Variants in CANX observed in about 807,000 individuals in gnomAD.
CANX encodes the protein calnexin.
Under a neutral mutation model 75.7 loss-of-function variants are expected in CANX, and 14 were observed. That is an observed-to-expected ratio of 0.19 (90% CI 0.12 to 0.29). The LOEUF (loss-of-function observed/expected upper bound fraction) is 0.29, where lower values mean the gene tolerates loss of function less well. CANX is among the 10% of genes least tolerant of loss of function. The pLI is 1.00. For missense variants in CANX, 567 were observed against 713.2 expected (o/e 0.79, Z 2.34); for synonymous variants, 227 against 236.9 (o/e 0.96, Z 0.38).
At chr5:179,703,251 T>C (rs1776890682) in intron 1 of CANX, among the ~76,000 whole-genome samples, 1 of 150,134 alleles carries the variant, frequency 6.7e-6, no homozygotes, top group Non-Finnish European at 1.5e-5. Flanking sequence ...AGGTGGAGTC[T>C]CTGTGGCCCA....
At position 179,709,788 on chromosome 5, in the gene CANX, A is replaced by G. The variant is rs575286152; in HGVS notation, c.529-85A>G. ...TCACTAATATATTTGGAATTTTATA[A>G]GAGGAATTATCATACACTTTTGAAA... On this transcript the variant is annotated intron_variant, in intron 6 of 14. Coordinates refer to ENST00000247461, the MANE Select transcript of CANX (RefSeq NM_001746.4). 1.4e-5 allele frequency: 12 copies of G among 838,400 alleles called. No homozygotes were observed. The South Asian group carries it at 2.3e-4, about 16-fold the overall frequency. The allele number at this position is 838,400 out of a possible 1,614,324, so 51.9% of individuals were successfully genotyped here.
At chr5:179,718,852 A>T (rs760493601) in intron 8 of CANX, among the ~76,000 whole-genome samples, 5 of 150,200 alleles carry the variant, frequency 3.3e-5, no homozygotes, top group Non-Finnish European at 7.4e-5. Flanking sequence ...TTTGGTAGAG[A>T]CAGGGTGTCG....
intron 1 of CANX, among the ~76,000 whole-genome samples, chr5:179,704,817 CAGAG>C (rs1777018971): frequency 6.6e-6 from 1 of 152,036 alleles, no homozygotes; most frequent in Non-Finnish European, 1.5e-5. Context: ...GCCTGGGCGA[CAGAG>C]GGAGAATCCA....
rs1417555106 is a variant in CANX at position 179,724,719 on chromosome 5, G to A, written c.1581G>A (p.Glu527=). Residue 527 remains glutamate (E), a synonymous_variant, in exon 13 of 15, where the codon GAG becomes GAA. Transcript: ENST00000247461. ...TDAPQPDVKE[E]EEEKEEEKDK... is the part of the protein sequence containing the mutation. ...CACCTCAACCGGATGTGAAGGAAGA[G>A]GAAGAAGAGAAGGAAGAGGAAAAGG... 2 of 1,612,730 alleles carry A rather than the reference G, an allele frequency of 1.2e-6. No homozygotes were observed. Among genetic ancestry groups the A allele is most frequent in the Non-Finnish European group, 1.7e-6 (2 of 1,178,736 alleles).
chr5:179,714,108 C>T (rs1181189796), intron 7 of CANX, among the ~76,000 whole-genome samples: 1 of 152,158 alleles, frequency 6.6e-6, no homozygotes, highest in Non-Finnish European at 1.5e-5. Context: ...AAGCGATTCT[C>T]CTGCCTCAGC....
In CANX at chr5:179,728,686, C is replaced by G. The variant is rs1319360171; in HGVS notation, c.*42C>G. On this transcript the variant is annotated 3_prime_UTR_variant, in exon 15 of 15. Transcript: ENST00000247461. ...TGATCTGTGATTTCTTCTCCCTCCTCCCCTGCAAGAGTGGTCCTAGGAGAG... is the reference window on the plus strand; with the variant it reads ...TGATCTGTGATTTCTTCTCCCTCCTGCCCTGCAAGAGTGGTCCTAGGAGAG... 4 of 1,448,518 alleles carry G rather than the reference C, an allele frequency of 2.8e-6. No individual in the cohort carries two copies. The highest frequency in any genetic ancestry group is 3.9e-6 in the Non-Finnish European group (4 of 1,030,282). 89.7% of individuals were successfully genotyped at this position (1,448,518 alleles called of 1,614,324 possible). A position where few individuals can be genotyped will look rare whatever the true frequency, so the allele number is the denominator to read the frequency against.
chr5:179,680,357 C>T (rs186073793), intron 1 of CANX, among the ~76,000 whole-genome samples: 26 of 152,230 alleles, frequency 1.7e-4, no homozygotes, highest in Non-Finnish European at 3.2e-4. Flanking sequence ...CATTATTGCC[C>T]TCATCATTCA....
intron 1 of CANX, among the ~76,000 whole-genome samples, chr5:179,683,145 T>C (rs1776111572): frequency 7.5e-6 from 1 of 133,772 alleles, no homozygotes; most frequent in South Asian, 2.8e-4. Context: ...TTATTTATTT[T>C]TGAGACGGAG....
intron 6 of CANX, among the ~76,000 whole-genome samples, chr5:179,709,496 G>A (rs902306243): frequency 9.2e-5 from 14 of 152,118 alleles, no homozygotes; most frequent in Non-Finnish European, 5.9e-5. Context: ...GATGAGTTGG[G>A]AAAATTGACT....
chr5:179,719,568 AT>A lies in CANX; in HGVS notation c.912-98del. On this transcript the variant is annotated intron_variant, in intron 8 of 14. Transcript: ENST00000247461. ...AAGAGGAATTATTTTAAATTTTGAG[AT>A]TAAAAACAAATTTTTTTAGAATACT... The A allele has an allele frequency of 5.4e-6, 3 of 555,112 alleles. No individual in the cohort carries two copies. The South Asian group carries it at 9.5e-5, about 17-fold the overall frequency. 34.4% of individuals were successfully genotyped at this position (555,112 alleles called of 1,614,324 possible). A position where few individuals can be genotyped will look rare whatever the true frequency, so the allele number is the denominator to read the frequency against.
intron 7 of CANX, among the ~76,000 whole-genome samples, chr5:179,713,248 A>G (rs1402755747): frequency 3.3e-5 from 5 of 149,450 alleles, no homozygotes; most frequent in Non-Finnish European, 7.4e-5. Context: ...TGTCCAACTA[A>G]TTTTTGTATT....
chr5:179,724,789 A>G lies in CANX; in HGVS notation c.1645+6A>G, dbSNP rs900695363. 1 of 1,602,194 alleles carries G rather than the reference A, an allele frequency of 6.2e-7. No homozygotes were observed. On this transcript the variant is annotated splice_donor_region_variant and intron_variant, in intron 13 of 14. Coordinates refer to ENST00000247461, the MANE Select transcript of CANX (RefSeq NM_001746.4). ...GGAAGGAGAAGAGAAACTTGGTAAG[A>G]AACAGAGTCCAGAAAATCTGCTTTA...
rs769221257 is a variant in CANX at position 179,716,252 on chromosome 5, G to T, written c.869G>T (p.Arg290Ile). Residue 290 changes from arginine to isoleucine, a missense_variant, in exon 8 of 15, where the codon AGA becomes ATA. Physicochemically the swap from Arg to Ile is moderately conservative, Grantham distance 97. Coordinates refer to ENST00000247461, the MANE Select transcript of CANX (RefSeq NM_001746.4). ...EDRKPEDWDE[R>I]PKIPDPEAVK... ...CGGAAGCCCGAGGATTGGGATGAAAGACCAAAAATCCCAGATCCAGAAGCT... is the reference window on the plus strand; with the variant it reads ...CGGAAGCCCGAGGATTGGGATGAAATACCAAAAATCCCAGATCCAGAAGCT... 2.5e-6 allele frequency: 4 copies of T among 1,614,002 alleles called. No homozygotes were observed. Among genetic ancestry groups the T allele is most frequent in the Non-Finnish European group, 3.4e-6 (4 of 1,180,004 alleles).
At chr5:179,695,931 C>T (rs1459285218), upstream of CANX, among the ~76,000 whole-genome samples, 1 of 152,118 alleles carries the variant, frequency 6.6e-6, no homozygotes, top group Non-Finnish European at 1.5e-5. Flanking sequence ...AGCCACTGTG[C>T]CTGGCCTATT....
chr5:179,706,500 A>G (rs1581851736), intron 3 of CANX, among the ~76,000 whole-genome samples, 169 bp downstream of exon 3: 1 of 151,972 alleles, frequency 6.6e-6, no homozygotes, highest in Non-Finnish European at 1.5e-5. Context: ...CTGGAGTGCA[A>G]TGGCGTGATA....
In CANX at chr5:179,716,209, A is replaced by G; in HGVS notation, c.826A>G (p.Ile276Val). Residue 276 changes from isoleucine (I) to valine (V), a missense_variant, in exon 8 of 15, where the codon ATT (isoleucine) becomes GTT (valine). This residue lies in a region of CANX where 351 missense variants were observed against 433.8 expected (regional missense o/e 0.81). Coordinates refer to ENST00000247461, the MANE Select transcript of CANX (RefSeq NM_001746.4). ...TCCTCCTGTAAATCCTTCACGTGAAATTGAGGACCCAGAAGACCGGAAGCC... is the reference window on the plus strand; with the variant it reads ...TCCTCCTGTAAATCCTTCACGTGAAGTTGAGGACCCAGAAGACCGGAAGCC... ...MTPPVNPSRE[I>V]EDPEDRKPED... 1 of 1,614,054 alleles carries G rather than the reference A, an allele frequency of 6.2e-7. No individual in the cohort carries two copies.
Position 179,726,658 on chromosome 5 carries a change from AGTT to A in CANX, c.1646-18_1646-16del, listed in dbSNP as rs1225869124. The A allele has an allele frequency of 1.9e-6, 3 of 1,540,514 alleles. No individual in the cohort carries two copies. The African/African-American group carries it at 4.1e-5, about 21-fold the overall frequency. On this transcript the variant is annotated intron_variant, in intron 13 of 14. Transcript: ENST00000247461. ...CACCAAAAATAATAAGGTTTTGCTCAGTTGTTTAACTTCTGTCTTAGAAGAGAA... is the reference window on the plus strand; with the variant it reads ...CACCAAAAATAATAAGGTTTTGCTCAGTTTAACTTCTGTCTTAGAAGAGAA...
upstream of CANX, among the ~76,000 whole-genome samples, chr5:179,696,267 CTTTTTTTTTTT>C (rs34048949): frequency 2.8e-3 from 158 of 56,752 alleles, no homozygotes; most frequent in Non-Finnish European, 3.6e-3. Flanking sequence ...AGTGTCATTT[CTTTTTTTTTTT>C]TTTTTTTTTT....
rs1351454007 is a variant in CANX at position 179,719,657 on chromosome 5, T to C, written c.912-11T>C. ...GTGTTGTCATAACTGGCTTTTTCTT[T>C]TGTATTTAAGGGATGAAGATGCCCC... On this transcript the variant is annotated splice_polypyrimidine_tract_variant and intron_variant, in intron 8 of 14. Coordinates refer to ENST00000247461, the MANE Select transcript of CANX (RefSeq NM_001746.4). The C allele has an allele frequency of 6.5e-7, 1 of 1,541,594 alleles. No homozygotes were observed. Among genetic ancestry groups the C allele is most frequent in the Admixed American group, 1.7e-5 (1 of 58,790 alleles).
Sources: gnomAD v4.1 joint callset for allele counts (sites outside exome capture counted in the v4.1 genomes callset) on GRCh38, gnomAD v4.1.1 for gene constraint, gnomAD v4.1.1 regional missense constraint, MANE v1.5 for transcripts, NCBI Gene and HGNC (gene_info 2026-07-23, HGNC 2026-07-21) for gene names.